LANCL2: variants seen among roughly 807,000 people sequenced by gnomAD.
LANCL2 encodes the protein LanC like glutathione S-transferase 2.
In LANCL2, 33 loss-of-function variants were observed where a neutral mutation model predicts 56.9. That is an observed-to-expected ratio of 0.58 (90% confidence interval 0.44 to 0.78). The LOEUF is 0.78. Ranked by LOEUF, LANCL2 falls within the 30% of genes least tolerant of loss-of-function variation. LANCL2 has a pLI of 0.00. For missense variants in LANCL2, 562 were observed against 580.2 expected (o/e 0.97, Z 0.32); for synonymous variants, 233 against 228.2 (o/e 1.02, Z -0.19).
chr7:55,379,622 T>G (rs1167740295), intron 1 of LANCL2: 3 of 152,670 alleles, frequency 2.0e-5, no homozygotes, highest in Admixed American at 6.5e-5. Context: ...CTCATGCAAA[T>G]GATTCTGCAT....
chr7:55,392,015 A>G, intron 2 of LANCL2, 105 bp downstream of exon 2: 1 of 682,834 alleles, frequency 1.5e-6, no homozygotes. Context: ...AGATTTGGCC[A>G]GGCACGGTGG....
chr7:55,393,500 C>T (rs1790215373), intron 2 of LANCL2, among the ~76,000 whole-genome samples: 6 of 152,034 alleles, frequency 3.9e-5, no homozygotes, highest in Admixed American at 3.9e-4. Context: ...CATTACACTC[C>T]AGTCTGGGCA....
At chr7:55,400,152 A>G (rs753608895) in intron 4 of LANCL2, 48 bp downstream of exon 4, 2 of 1,415,710 alleles carry the variant, frequency 1.4e-6, no homozygotes, top group East Asian at 5.0e-5. Context: ...ATTCAAACCT[A>G]TTTGCTAGCA....
intron 4 of LANCL2, among the ~76,000 whole-genome samples, chr7:55,400,942 C>T (rs1279496035): frequency 3.3e-5 from 5 of 152,114 alleles, no homozygotes; most frequent in Non-Finnish European, 5.9e-5. Context: ...TTTTTTATTT[C>T]TTAGACAGTA....
intron 1 of LANCL2, among the ~76,000 whole-genome samples, chr7:55,376,169 TA>T (rs529804530): frequency 1.3e-5 from 2 of 152,328 alleles, no homozygotes; most frequent in African/African-American, 4.8e-5. Context: ...TGCCTGGGTT[TA>T]AACTCCAGTC....
intron 1 of LANCL2, among the ~76,000 whole-genome samples, chr7:55,381,410 A>G (rs1257956843): frequency 6.6e-6 from 1 of 152,224 alleles, no homozygotes; most frequent in Non-Finnish European, 1.5e-5. Flanking sequence ...TTGTCTGTGT[A>G]CGTATCCAAT....
chr7:55,387,935 C>T (rs1021622988), intron 1 of LANCL2, among the ~76,000 whole-genome samples: 3 of 152,082 alleles, frequency 2.0e-5, no homozygotes, highest in Non-Finnish European at 2.9e-5. Context: ...GAGTTTTCAA[C>T]GTTTACATAT....
At chr7:55,426,701 T>G (rs1182800966) in intron 7 of LANCL2, among the ~76,000 whole-genome samples, 1 of 151,914 alleles carries the variant, frequency 6.6e-6, no homozygotes, top group African/African-American at 2.4e-5. Flanking sequence ...CAAAGGGGGA[T>G]GAGGAAAGAT....
intron 1 of LANCL2, among the ~76,000 whole-genome samples, chr7:55,388,430 C>T (rs1205107506): frequency 6.6e-6 from 1 of 152,166 alleles, no homozygotes; most frequent in African/African-American, 2.4e-5. Context: ...CCTGTAATCC[C>T]AGCTACTTGG....
intron 6 of LANCL2, among the ~76,000 whole-genome samples, chr7:55,413,318 A>C (rs1790491436): frequency 1.3e-5 from 2 of 152,250 alleles, no homozygotes; most frequent in Non-Finnish European, 2.9e-5. Context: ...TTGACTGTAC[A>C]GACAGGGGCC....
intron 8 of LANCL2, among the ~76,000 whole-genome samples, chr7:55,429,257 T>C (rs889417629): frequency 6.6e-6 from 1 of 152,234 alleles, no homozygotes; most frequent in Non-Finnish European, 1.5e-5. Flanking sequence ...TTGGTATTAG[T>C]GTAACTTAAA....
intron 1 of LANCL2, among the ~76,000 whole-genome samples, chr7:55,383,525 C>T (rs79743953): frequency 0.051 from 7,719 of 152,094 alleles, 664 homozygotes; most frequent in African/African-American, 0.17. Flanking sequence ...CCATGTTGGG[C>T]AGATCTAGTT....
chr7:55,406,173 G>A (rs566881759), intron 5 of LANCL2, among the ~76,000 whole-genome samples: 3 of 152,228 alleles, frequency 2.0e-5, no homozygotes, highest in Non-Finnish European at 4.4e-5. Flanking sequence ...GTGTGTGCCT[G>A]CAGACTTGGA....
chr7:55,367,249 C>G (rs962651669), intron 1 of LANCL2, among the ~76,000 whole-genome samples: 1 of 152,198 alleles, frequency 6.6e-6, no homozygotes, highest in Non-Finnish European at 1.5e-5. Context: ...AAAACCGTAC[C>G]TTTACCAGGT....
chr7:55,397,140 A>T (rs1018868161), intron 2 of LANCL2: 1 of 152,248 alleles, frequency 6.6e-6, no homozygotes, highest in Non-Finnish European at 1.5e-5. Flanking sequence ...TTGAAGAAAG[A>T]AGAAGCTAGA....
chr7:55,388,687 C>T lies in LANCL2; in HGVS notation c.205-3106C>T, dbSNP rs530085413. Among the ~76,000 whole-genome samples, 4 of 152,332 alleles carry T rather than the reference C, an allele frequency of 2.6e-5. No individual in the cohort carries two copies. The East Asian group carries it at 5.8e-4, about 22-fold the overall frequency. ...CAGGGAGAGCCTTGACATCTCAGAC[C>T]TACATGGTATAGGACGAATTTTTCC... On this transcript the variant is annotated intron_variant, in intron 1 of 8. Coordinates refer to ENST00000254770, the MANE Select transcript of LANCL2 (RefSeq NM_018697.4).
intron 5 of LANCL2, among the ~76,000 whole-genome samples, chr7:55,411,060 C>G (rs1790465162): frequency 6.6e-6 from 1 of 151,502 alleles, no homozygotes. Context: ...CATGTCACCC[C>G]AAAGACATTG....
chr7:55,415,701 C>A lies in LANCL2; in HGVS notation c.1008+3612C>A, dbSNP rs568034388. Among the ~76,000 whole-genome samples the A allele has an allele frequency of 3.6e-3, 507 of 139,512 alleles. 4 individuals carry two copies. Among genetic ancestry groups the A allele is most frequent in the African/African-American group, 0.013 (495 of 38,126 alleles). 91.5% of individuals were successfully genotyped at this position (139,512 alleles called of 152,430 possible). Reference sequence around the variant, plus strand: ...CAGTTTTGGCTCACTACAACCTTTGCCTCCTGGGTTCAGGTGGTTCTTGTG... The same window carrying A: ...CAGTTTTGGCTCACTACAACCTTTGACTCCTGGGTTCAGGTGGTTCTTGTG... On this transcript the variant is annotated intron_variant, in intron 6 of 8. Transcript: ENST00000254770.
intron 6 of LANCL2, among the ~76,000 whole-genome samples, 175 bp downstream of exon 6, chr7:55,412,264 C>T (rs955892134): frequency 3.9e-5 from 6 of 152,140 alleles, no homozygotes; most frequent in African/African-American, 1.4e-4. Flanking sequence ...GTCATTAGTG[C>T]TGCAAGTCTG....
Sources: gnomAD v4.1 joint callset for allele counts (sites outside exome capture counted in the v4.1 genomes callset) on GRCh38, gnomAD v4.1.1 for gene constraint, MANE v1.5 for transcripts, NCBI Gene and HGNC (gene_info 2026-07-23, HGNC 2026-07-21) for gene names.